The following DHRSX variants were observed in gnomAD, a reference collection of about 807,000 sequenced individuals.
DHRSX encodes polyprenol dehydrogenase.
In DHRSX, 31 loss-of-function variants were observed where a neutral mutation model predicts 34.0. That is an observed-to-expected ratio of 0.91 (90% CI 0.69 to 1.23). DHRSX has a LOEUF of 1.23. Among genes scored for constraint, DHRSX ranks in the 50% most tolerant of loss-of-function variants. The pLI is 0.00. For missense variants in DHRSX, 414 were observed against 428.1 expected (o/e 0.97, Z 0.29); for synonymous variants, 201 against 183.8 (o/e 1.09, Z -0.76).
At position 2,490,750 on chromosome X, in the gene DHRSX, G is replaced by A. The variant is rs375446104; in HGVS notation, c.109+10067C>T. ...CTCCACCGGAGCCTGCCTGCTGGAC[G>A]GCTGCTCATGCGTGGGGACCTGCTG... On this transcript the variant is annotated intron_variant, in intron 1 of 6. Coordinates refer to ENST00000334651, the MANE Select transcript of DHRSX (RefSeq NM_145177.3). The A allele has an allele frequency of 2.1e-5, 34 of 1,596,264 alleles. No homozygotes were observed. The African/African-American group carries it at 2.4e-4, about 11-fold the overall frequency.
At position 2,339,854 on chromosome X, in the gene DHRSX, A is replaced by G. The variant is rs113005273; in HGVS notation, c.287-48251T>C. ...ACGTGTGCATGTGTCTTTATAGTAG[A>G]ATGATTTATAATCCTTTGGGTATAT... On this transcript the variant is annotated intron_variant, in intron 3 of 6. Coordinates refer to ENST00000334651, the MANE Select transcript of DHRSX (RefSeq NM_145177.3). 2.6e-5 allele frequency among the ~76,000 whole-genome samples: 4 copies of G among 151,906 alleles called. No homozygotes were observed. In the South Asian group the frequency reaches 8.3e-4, roughly 31 times the overall value.
chrX:2,400,048 A>T (rs2043467579), intron 3 of DHRSX, among the ~76,000 whole-genome samples: 1 of 152,174 alleles, frequency 6.6e-6, no homozygotes, highest in South Asian at 2.1e-4. Context: ...AAACAACAAA[A>T]CAAAAAACAA....
intron 3 of DHRSX, among the ~76,000 whole-genome samples, chrX:2,340,075 A>G (rs762736439): frequency 1.2e-4 from 18 of 152,114 alleles, no homozygotes; most frequent in Admixed American, 6.6e-5. Context: ...TCTTCTCAGC[A>G]AACTAACACA....
chrX:2,231,016 C>G lies in DHRSX; in HGVS notation c.805-9787G>C, dbSNP rs748901558. Among the ~76,000 whole-genome samples, 342 of 152,276 alleles carry G rather than the reference C, an allele frequency of 2.2e-3. 2 individuals carry two copies. Among genetic ancestry groups the G allele is most frequent in the Middle Eastern group, 0.014 (4 of 294 alleles). On this transcript the variant is annotated intron_variant, in intron 6 of 6. Coordinates refer to ENST00000334651, the MANE Select transcript of DHRSX (RefSeq NM_145177.3). ...CTCCAGGAATGATCTTGGCTCATCTCTTAGCTTGAGTCACTGGAAGGTCTC... is the reference window on the plus strand; with the variant it reads ...CTCCAGGAATGATCTTGGCTCATCTGTTAGCTTGAGTCACTGGAAGGTCTC...
chrX:2,405,392 G>A (rs1387013844), intron 3 of DHRSX, among the ~76,000 whole-genome samples: 1 of 152,102 alleles, frequency 6.6e-6, no homozygotes, highest in Non-Finnish European at 1.5e-5. Flanking sequence ...GGAGGCTGAG[G>A]CAGGAGAATC....
intron 2 of DHRSX, among the ~76,000 whole-genome samples, chrX:2,418,175 C>G (rs1401599912): frequency 2.0e-5 from 3 of 152,030 alleles, no homozygotes; most frequent in African/African-American, 4.8e-5. Flanking sequence ...TGTTACTGAA[C>G]TAGACTTCAT....
At chrX:2,431,091 C>T (rs1232842322) in intron 1 of DHRSX, among the ~76,000 whole-genome samples, 7 of 151,700 alleles carry the variant, frequency 4.6e-5, no homozygotes, top group Admixed American at 3.9e-4. Context: ...TTTGGGAGGC[C>T]GAGGCGGGTG....
At chrX:2,238,280 C>A (rs940414464) in intron 6 of DHRSX, among the ~76,000 whole-genome samples, 1 of 152,108 alleles carries the variant, frequency 6.6e-6, no homozygotes, top group African/African-American at 2.4e-5. Context: ...TCGTTTCAGT[C>A]CAGCAGGTCG....
chrX:2,288,059 T>G (rs1292445426), intron 4 of DHRSX, among the ~76,000 whole-genome samples: 3 of 151,780 alleles, frequency 2.0e-5, no homozygotes, highest in Non-Finnish European at 2.9e-5. Flanking sequence ...ATGATCCTGG[T>G]GGGCCCCAAA....
At chrX:2,350,515 G>C (rs1317497354) in intron 3 of DHRSX, among the ~76,000 whole-genome samples, 1 of 152,144 alleles carries the variant, frequency 6.6e-6, no homozygotes, top group Non-Finnish European at 1.5e-5. Flanking sequence ...CTGACATGTA[G>C]AATCTAAAAT....
At chrX:2,277,366 A>T (rs1294561586) in intron 4 of DHRSX, among the ~76,000 whole-genome samples, 3 of 27,018 alleles carry the variant, frequency 1.1e-4, no homozygotes, top group African/African-American at 3.5e-4. Flanking sequence ...TGGAGAGGGA[A>T]CAGGGAGAGA....
At chrX:2,393,430 G>GA (rs1353538088) in intron 3 of DHRSX, among the ~76,000 whole-genome samples, 1 of 151,250 alleles carries the variant, frequency 6.6e-6, no homozygotes, top group Non-Finnish European at 1.5e-5. Flanking sequence ...GACACACAGG[G>GA]ACCTCCCCAT....
chrX:2,478,582 G>A (rs1603147609), intron 1 of DHRSX, among the ~76,000 whole-genome samples: 2 of 152,178 alleles, frequency 1.3e-5, no homozygotes, highest in East Asian at 1.9e-4. Context: ...ATATGGCTAA[G>A]AAACAGCACT....
At chrX:2,397,766 C>A (rs182972154) in intron 3 of DHRSX, among the ~76,000 whole-genome samples, 7 of 152,244 alleles carry the variant, frequency 4.6e-5, no homozygotes, top group Admixed American at 1.3e-4. Context: ...GTCCTCGTTA[C>A]GGGCGGGATG....
At chrX:2,229,649 G>A (rs1464309475) in intron 6 of DHRSX, among the ~76,000 whole-genome samples, 3 of 151,572 alleles carry the variant, frequency 2.0e-5, no homozygotes, top group African/African-American at 7.3e-5. Context: ...ATGATTGTAT[G>A]TGCATGTCTG....
intron 1 of DHRSX, among the ~76,000 whole-genome samples, chrX:2,447,116 T>G (rs1264232585): frequency 1.3e-5 from 2 of 151,784 alleles, no homozygotes; most frequent in South Asian, 2.1e-4. Flanking sequence ...ACTGAAGATA[T>G]TCCCTAAGAA....
Position 2,375,161 on chromosome X carries a change from A to C in DHRSX, c.286+33584T>G, listed in dbSNP as rs1044670967. On this transcript the variant is annotated intron_variant, in intron 3 of 6. Transcript: ENST00000334651. ...CTACAGGACAAGCGGTCACGCTGTC[A>C]TGGAAGGATGGAGCCCATCTCAAAG... 6.5e-5 allele frequency among the ~76,000 whole-genome samples: 9 copies of C among 138,590 alleles called. 4 individuals carry two copies. Among genetic ancestry groups the C allele is most frequent in the Admixed American group, 1.4e-4 (2 of 13,954 alleles). The allele number at this position is 138,590 out of a possible 152,430, so 90.9% of individuals were successfully genotyped here.
intron 3 of DHRSX, among the ~76,000 whole-genome samples, chrX:2,367,910 A>C (rs2043012946): frequency 6.6e-6 from 1 of 152,136 alleles, no homozygotes; most frequent in Non-Finnish European, 1.5e-5. Context: ...GAAAAAGATA[A>C]ATGGTTGTAT....
intron 3 of DHRSX, among the ~76,000 whole-genome samples, chrX:2,373,074 A>C (rs1295608395): frequency 6.6e-6 from 1 of 152,210 alleles, no homozygotes; most frequent in Non-Finnish European, 1.5e-5. Flanking sequence ...CCTCACAATC[A>C]CGACGGAAGA....
Sources: allele counts gnomAD v4.1 joint callset (sites outside exome capture counted in the v4.1 genomes callset), GRCh38; gene constraint gnomAD v4.1.1; transcripts MANE v1.5; gene names NCBI Gene and HGNC (gene_info 2026-07-23, HGNC 2026-07-21).